Variants in DIAPH2 observed in about 807,000 individuals in gnomAD.
DIAPH2 encodes the protein diaphanous related formin 2, also known as protein diaphanous homolog 2.
Under a neutral mutation model 92.7 loss-of-function variants are expected in DIAPH2, and 35 were observed. The ratio of observed to expected loss-of-function variants is 0.38; its 90% CI spans 0.29 to 0.50. The LOEUF is 0.50. DIAPH2 is among the 20% of genes least tolerant of loss of function. DIAPH2 has a pLI of 0.94. For synonymous variants in DIAPH2, 301 were observed against 280.4 expected (o/e 1.07, Z -0.73); for missense variants, 701 against 819.5 (o/e 0.86, Z 1.77).
intron 26 of DIAPH2, among the ~76,000 whole-genome samples, chrX:97,534,464 AC>A (rs2071082050): frequency 9.0e-6 from 1 of 110,795 alleles, no homozygotes; most frequent in African/African-American, 3.3e-5. Flanking sequence ...TTTATTATAT[AC>A]ATATAAATAT....
chrX:96,924,403 G>A (rs2065566221), intron 9 of DIAPH2, among the ~76,000 whole-genome samples: 1 of 111,539 alleles, frequency 9.0e-6, no homozygotes, highest in Admixed American at 9.5e-5. Flanking sequence ...TTTTAAATCT[G>A]TTTCAACACT....
At chrX:97,143,278 T>C (rs1482503305) in intron 22 of DIAPH2, among the ~76,000 whole-genome samples, 2 of 110,950 alleles carry the variant, frequency 1.8e-5, no homozygotes, top group Non-Finnish European at 3.8e-5. Flanking sequence ...ATTTGTGTTG[T>C]AATTTGAAAT....
chrX:97,078,159 A>G (rs978200480), intron 19 of DIAPH2, among the ~76,000 whole-genome samples: 4 of 112,027 alleles, frequency 3.6e-5, no homozygotes, highest in South Asian at 3.7e-4. Flanking sequence ...GTGTGAAGGG[A>G]AAAATAAAAG....
At chrX:96,778,534 C>T (rs1221192881) in intron 4 of DIAPH2, among the ~76,000 whole-genome samples, 2 of 110,715 alleles carry the variant, frequency 1.8e-5, no homozygotes, top group South Asian at 3.8e-4. Flanking sequence ...AGTTTAATTA[C>T]TAAATCAGGA....
chrX:97,105,162 A>C (rs2147368738), intron 20 of DIAPH2, among the ~76,000 whole-genome samples: 1 of 111,599 alleles, frequency 9.0e-6, no homozygotes, highest in African/African-American at 3.3e-5. Flanking sequence ...AAAACACAAT[A>C]AAATTGACAA....
intron 22 of DIAPH2, among the ~76,000 whole-genome samples, chrX:97,164,631 A>T (rs2067398651): frequency 8.9e-6 from 1 of 112,447 alleles, no homozygotes; most frequent in Middle Eastern, 4.2e-3. Context: ...GATAATGTAT[A>T]CCTATTATCA....
rs575335609 is a variant in DIAPH2, at chrX:96,995,977, G to C, written c.2050+30770G>C. Among the ~76,000 whole-genome samples the C allele has an allele frequency of 4.6e-4, 50 of 109,546 alleles. No homozygotes were observed. In the South Asian group the frequency reaches 0.02, roughly 45 times the overall value. On this transcript the variant is annotated intron_variant, in intron 17 of 26. Transcript: ENST00000324765. ...AGAAAGGGTTAACAACTCAAATCTTGAATTTGTTTCCATTGTATTTACACC... is the reference window on the plus strand; with the variant it reads ...AGAAAGGGTTAACAACTCAAATCTTCAATTTGTTTCCATTGTATTTACACC...
intron 17 of DIAPH2, among the ~76,000 whole-genome samples, chrX:97,015,787 G>GAAA (rs397966972): frequency 1.8e-4 from 6 of 33,600 alleles, no homozygotes; most frequent in Non-Finnish European, 3.3e-4. Flanking sequence ...GACGCCATCT[G>GAAA]AAAAAAAAAA....
chrX:97,564,527 G>T (rs2071313869), intron 26 of DIAPH2: 1 of 111,955 alleles, frequency 8.9e-6, no homozygotes, highest in African/African-American at 3.2e-5. Context: ...AGCAGAAGGA[G>T]TAGAAGGGCC....
chrX:97,575,339 C>A (rs189988112), intron 26 of DIAPH2, among the ~76,000 whole-genome samples: 15 of 112,486 alleles, frequency 1.3e-4, no homozygotes, highest in Middle Eastern at 4.6e-3. Flanking sequence ...AGAAGCATCA[C>A]GTTGATCTCT....
intron 17 of DIAPH2, among the ~76,000 whole-genome samples, chrX:96,997,917 A>G (rs1243386734): frequency 8.9e-6 from 1 of 112,236 alleles, no homozygotes; most frequent in Non-Finnish European, 1.9e-5. Context: ...ATAAACATTA[A>G]AGGTGAGGTG....
chrX:96,824,484 TA>T (rs1409845090), intron 4 of DIAPH2, among the ~76,000 whole-genome samples: 80 of 100,821 alleles, frequency 7.9e-4, no homozygotes, highest in Admixed American at 5.7e-3. Context: ...ACTAAGCTCT[TA>T]AAAAAAAAAA....
In DIAPH2 at chrX:97,354,242, T is replaced by C. The variant is rs924318162; in HGVS notation, c.3009+5962T>C. The stretch of plus-strand genomic sequence containing the variant: ...GACTGGTATCTGTGTCTTCTTCTCT[T>C]ACCCATTTCCATTTCCTAATCCATT... On this transcript the variant is annotated intron_variant, in intron 24 of 26. Transcript: ENST00000324765. Among the ~76,000 whole-genome samples, 47 of 111,977 alleles carry C rather than the reference T, an allele frequency of 4.2e-4. 1 individual carries two copies. The highest frequency in any genetic ancestry group is 6.0e-4 in the Non-Finnish European group (32 of 53,263).
intron 4 of DIAPH2, among the ~76,000 whole-genome samples, chrX:96,869,589 C>A (rs971364909): frequency 2.8e-5 from 3 of 107,604 alleles, no homozygotes; most frequent in Non-Finnish European, 3.8e-5. Flanking sequence ...ACTACTACTA[C>A]TACTAATACT....
intron 4 of DIAPH2, among the ~76,000 whole-genome samples, chrX:96,822,125 AG>A (rs2064782394): frequency 9.0e-6 from 1 of 110,902 alleles, no homozygotes; most frequent in Admixed American, 9.7e-5. Flanking sequence ...GATTACATAT[AG>A]AATATAAAGT....
At chrX:96,707,466 T>C (rs2063892571) in intron 1 of DIAPH2, among the ~76,000 whole-genome samples, 1 of 109,790 alleles carries the variant, frequency 9.1e-6, no homozygotes, top group Non-Finnish European at 1.9e-5. Flanking sequence ...CCACCATGCC[T>C]GGCCTTAGTA....
At chrX:97,360,549 G>A (rs372024461) in intron 24 of DIAPH2, among the ~76,000 whole-genome samples, 3 of 111,296 alleles carry the variant, frequency 2.7e-5, no homozygotes, top group Non-Finnish European at 5.7e-5. Context: ...ACTTGAACCC[G>A]GGAGGTGGAA....
At chrX:97,185,259 C>T (rs1429572393) in intron 22 of DIAPH2, among the ~76,000 whole-genome samples, 1 of 81,769 alleles carries the variant, frequency 1.2e-5, no homozygotes, top group African/African-American at 4.6e-5. Context: ...AAAATTGCAC[C>T]ACTGCACTCT....
chrX:97,299,965 A>C (rs2068680178), intron 23 of DIAPH2, among the ~76,000 whole-genome samples: 1 of 112,074 alleles, frequency 8.9e-6, no homozygotes, highest in East Asian at 2.8e-4. Flanking sequence ...ATATTTGTTT[A>C]TTGCACCCCT....
Sources: gnomAD v4.1 joint callset for allele counts (sites outside exome capture counted in the v4.1 genomes callset) on GRCh38, gnomAD v4.1.1 for gene constraint, MANE v1.5 for transcripts, NCBI Gene and HGNC (gene_info 2026-07-23, HGNC 2026-07-21) for gene names.